The following THADA variants were observed in gnomAD, a reference collection of about 807,000 sequenced individuals.
The protein encoded by THADA is tRNA (32-2'-O)-methyltransferase regulator THADA.
Under a neutral mutation model 219.8 loss-of-function variants are expected in THADA, and 213 were observed. The observed-to-expected ratio is 0.97, with a 90% CI of 0.87 to 1.09. THADA has a LOEUF of 1.09. THADA is among the 50% of genes least tolerant of loss of function. THADA has a pLI of 0.00. For missense variants in THADA, 2,956 were observed against 2,311.3 expected (o/e 1.28, Z -5.72); for synonymous variants, 1,018 against 828.9 (o/e 1.23, Z -3.92).
At chr2:43,480,787 C>T (rs891518614) in intron 26 of THADA, among the ~76,000 whole-genome samples, 1 of 148,688 alleles carries the variant, frequency 6.7e-6, no homozygotes, top group Non-Finnish European at 1.5e-5. Flanking sequence ...CATTCAACTC[C>T]AGCCCAGGCA....
intron 26 of THADA, among the ~76,000 whole-genome samples, chr2:43,433,690 T>C (rs531282130): frequency 6.6e-6 from 1 of 152,250 alleles, no homozygotes; most frequent in East Asian, 1.9e-4. Flanking sequence ...GACTTCATTT[T>C]ATTTATTTAT....
intron 30 of THADA, among the ~76,000 whole-genome samples, chr2:43,335,075 C>G (rs1486886714): frequency 2.0e-5 from 3 of 152,186 alleles, no homozygotes; most frequent in Non-Finnish European, 4.4e-5. Flanking sequence ...GACCCTGGCT[C>G]TTCAAGGTAC....
chr2:43,564,061 C>G (rs1698390661), intron 15 of THADA: 1 of 152,210 alleles, frequency 6.6e-6, no homozygotes, highest in Admixed American at 6.5e-5. Flanking sequence ...TACGCTTCAG[C>G]CTAGTTTTAT....
chr2:43,532,339 G>C (rs1693991827), intron 21 of THADA, among the ~76,000 whole-genome samples: 1 of 150,536 alleles, frequency 6.6e-6, no homozygotes, highest in South Asian at 2.1e-4. Context: ...TTTGAACCCG[G>C]GAGGCAGAGG....
At chr2:43,590,620 G>A (rs1701449585) in intron 4 of THADA, among the ~76,000 whole-genome samples, 2 of 149,606 alleles carry the variant, frequency 1.3e-5, no homozygotes, top group African/African-American at 4.9e-5. Flanking sequence ...ACTCCAGCCT[G>A]GGCGACAGAG....
chr2:43,334,298 G>A (rs1666139045), intron 30 of THADA, among the ~76,000 whole-genome samples: 1 of 152,080 alleles, frequency 6.6e-6, no homozygotes, highest in Non-Finnish European at 1.5e-5. Context: ...ACATGAAAGG[G>A]CACATGGAGG....
chr2:43,458,318 C>T (rs1240704004), intron 26 of THADA, among the ~76,000 whole-genome samples: 1 of 151,888 alleles, frequency 6.6e-6, no homozygotes, highest in South Asian at 2.1e-4. Context: ...TGAGCAAAAG[C>T]AAAAAGGGGT....
At chr2:43,591,341 C>T (rs6544674) in intron 3 of THADA, among the ~76,000 whole-genome samples, 58,931 of 151,902 alleles carry the variant, frequency 0.39, 12,591 homozygotes, top group African/African-American at 0.58. Flanking sequence ...ATAAATAAAA[C>T]AAAGTGTCAA....
intron 30 of THADA, among the ~76,000 whole-genome samples, chr2:43,325,811 A>C (rs1192986134): frequency 1.3e-5 from 2 of 152,254 alleles, no homozygotes; most frequent in East Asian, 1.9e-4. Flanking sequence ...AGTTATCTTT[A>C]AGATTTAAAT....
intron 14 of THADA, among the ~76,000 whole-genome samples, chr2:43,568,166 G>A (rs1426221181): frequency 6.6e-6 from 1 of 152,168 alleles, no homozygotes. Context: ...CTTGTTAAGT[G>A]GGGATAAGAA....
Position 43,234,808 on chromosome 2 carries a change from A to G in THADA, c.5297-1926T>C, listed in dbSNP as rs1667840788. Among the ~76,000 whole-genome samples, 4 of 151,246 alleles carry G rather than the reference A, an allele frequency of 2.6e-5. No individual in the cohort carries two copies. In the South Asian group the frequency reaches 8.4e-4, roughly 32 times the overall value. On this transcript the variant is annotated intron_variant, in intron 36 of 37. Transcript: ENST00000405975. ...GCTGGGACTATAGGCATGTGCCACC[A>G]CACCCAGATAATTTTGTTTTTGCCC...
chr2:43,485,338 C>T lies in THADA; in HGVS notation c.3745-13G>A, dbSNP rs750471039. On this transcript the variant is annotated splice_polypyrimidine_tract_variant and intron_variant, in intron 25 of 37. Coordinates refer to ENST00000405975, the MANE Select transcript of THADA (RefSeq NM_022065.5). The stretch of plus-strand genomic sequence containing the variant: ...ATGAATTTCGCACCTAATGTACAAA[C>T]GAAAACACAATAAGGCTTAAATATT... The T allele has an allele frequency of 6.3e-6, 10 of 1,584,024 alleles. No individual in the cohort carries two copies. The African/African-American group carries it at 8.1e-5, about 13-fold the overall frequency.
At chr2:43,540,108 G>A (rs1471547356) in intron 21 of THADA, among the ~76,000 whole-genome samples, 3 of 152,246 alleles carry the variant, frequency 2.0e-5, no homozygotes, top group Admixed American at 6.5e-5. Flanking sequence ...GAACATCAGT[G>A]AAGTAATCAT....
At chr2:43,542,063 A>G (rs994839569) in intron 20 of THADA, among the ~76,000 whole-genome samples, 6 of 152,236 alleles carry the variant, frequency 3.9e-5, no homozygotes, top group African/African-American at 1.2e-4. Flanking sequence ...CCAATAAGCT[A>G]TAATTAGCCT....
At chr2:43,263,725 C>T (rs6745977) in intron 36 of THADA, among the ~76,000 whole-genome samples, 27,696 of 152,104 alleles carry the variant, frequency 0.18, 3,433 homozygotes, top group African/African-American at 0.35. Context: ...AGCTATATTA[C>T]ACTATAATAC....
intron 15 of THADA, 193 bp downstream of exon 15, chr2:43,566,505 G>T: frequency 1.3e-6 from 1 of 743,202 alleles, no homozygotes; most frequent in Non-Finnish European, 2.4e-6. Context: ...AATGATCAAT[G>T]AAAAGGGAGA....
At chr2:43,562,949 T>C (rs1698244543) in intron 15 of THADA, 1 of 152,244 alleles carries the variant, frequency 6.6e-6, no homozygotes, top group Admixed American at 6.5e-5. Flanking sequence ...TAGTTGTTTA[T>C]ACTGTCTTTC....
At chr2:43,401,929 G>A (rs1461036856) in intron 28 of THADA, among the ~76,000 whole-genome samples, 1 of 146,672 alleles carries the variant, frequency 6.8e-6, no homozygotes, top group African/African-American at 2.5e-5. Flanking sequence ...TAAATGAGTG[G>A]TTTTTTGTTG....
intron 30 of THADA, among the ~76,000 whole-genome samples, chr2:43,337,994 A>T (rs1003915955): frequency 2.6e-5 from 4 of 152,174 alleles, no homozygotes; most frequent in Non-Finnish European, 5.9e-5. Flanking sequence ...ATAACTTCAG[A>T]TGAATGATGG....
Sources: gnomAD v4.1 joint callset for allele counts (sites outside exome capture counted in the v4.1 genomes callset) on GRCh38, gnomAD v4.1.1 for gene constraint, MANE v1.5 for transcripts, NCBI Gene and HGNC (gene_info 2026-07-23, HGNC 2026-07-21) for gene names.